SDF4: variants seen among roughly 807,000 people sequenced by gnomAD.
The protein encoded by SDF4 is 45 kDa calcium-binding protein.
Under a neutral mutation model 34.2 loss-of-function variants are expected in SDF4, and 22 were observed. The ratio of observed to expected loss-of-function variants is 0.64; its 90% CI spans 0.46 to 0.92. SDF4 has a LOEUF of 0.92. SDF4 is among the 40% of genes least tolerant of loss of function. SDF4 has a pLI of 0.00. For missense variants in SDF4, 447 were observed against 499.9 expected (o/e 0.89, Z 1.01); for synonymous variants, 236 against 203.1 (o/e 1.16, Z -1.38).
At chr1:1,221,078 G>T in intron 4 of SDF4, 1 of 291,066 alleles carries the variant, frequency 3.4e-6, no homozygotes, top group Non-Finnish European at 6.8e-6. Flanking sequence ...AACACAGGGA[G>T]ATCCTCTTAC....
At chr1:1,220,393 C>T (rs565145220) in intron 4 of SDF4, 71 of 1,157,808 alleles carry the variant, frequency 6.1e-5, no homozygotes, top group East Asian at 3.1e-4. Context: ...CAGCAGCCCC[C>T]GGACTCACGC....
At chr1:1,224,140 C>T (rs546354977) in intron 2 of SDF4, among the ~76,000 whole-genome samples, 172 bp from the exon 3 acceptor site, 261 of 152,206 alleles carry the variant, frequency 1.7e-3, no homozygotes, top group African/African-American at 5.9e-3. Context: ...TGTGGGGTGC[C>T]GGGCCACGCC....
At chr1:1,225,162 C>A (rs1378740947) in intron 2 of SDF4, among the ~76,000 whole-genome samples, 1 of 152,198 alleles carries the variant, frequency 6.6e-6, no homozygotes, top group Non-Finnish European at 1.5e-5. Context: ...CAGGCTCCTA[C>A]CCCTGCTGCA....
intron 1 of SDF4, among the ~76,000 whole-genome samples, chr1:1,230,406 G>A (rs542355844): frequency 1.1e-4 from 17 of 152,250 alleles, no homozygotes; most frequent in Non-Finnish European, 1.5e-4. Context: ...AACCAAGAGG[G>A]GTACAAGCCT....
chr1:1,228,758 C>T lies in SDF4; in HGVS notation c.15G>A (p.Trp5Ter). 6.2e-7 allele frequency: 1 copy of T among 1,610,150 alleles called. No individual in the cohort carries two copies. Among genetic ancestry groups the T allele is most frequent in the Admixed American group, 1.7e-5 (1 of 59,808 alleles). The change falls in exon 2 of 7, where the codon TGG (tryptophan) becomes TGA (stop). Residue 5 changes from tryptophan to a stop codon, truncating the protein, a stop_gained. Coordinates refer to ENST00000360001, the MANE Select transcript of SDF4 (RefSeq NM_016176.6). LOFTEE classifies it high-confidence loss of function. The part of the protein sequence containing the change: MASR[W>*]GPLIGLAPCC... Reference sequence around the variant, plus strand: ...ACGGAGCCAGGCCAATGAGGGGACCCCACCTGGACGCCATCGCCACCCAGG... The same window carrying T: ...ACGGAGCCAGGCCAATGAGGGGACCTCACCTGGACGCCATCGCCACCCAGG...
rs1638395298 is a variant in SDF4 at position 1,228,738 on chromosome 1, G to A, written c.35C>T (p.Ala12Val). 6.2e-7 allele frequency: 1 copy of A among 1,612,258 alleles called. No homozygotes were observed. The highest frequency in any genetic ancestry group is 1.3e-5 in the African/African-American group (1 of 74,934). ...CCCCAGGAGCCAGAGGCAGCACGGA[G>A]CCAGGCCAATGAGGGGACCCCACCT... The part of the protein sequence containing the change: ...ASRWGPLIGL[A>V]PCCLWLLGAV... Residue 12 changes from alanine to valine, a missense_variant, in exon 2 of 7, where the codon GCT (alanine) becomes GTT (valine). Physicochemically the swap from Ala to Val is moderately conservative, Grantham distance 64. Transcript: ENST00000360001.
Position 1,220,802 on chromosome 1 carries a change from G to A in SDF4, c.557-1875C>T, listed in dbSNP as rs545973917. On this transcript the variant is annotated intron_variant, in intron 4 of 6. Transcript: ENST00000360001. ...ACAATCAGAGTTGGGGGGCGGGCAC[G>A]GGCAAGGCCTCCTGCCCCAAGCACA... 5.3e-4 allele frequency: 670 copies of A among 1,255,378 alleles called. 5 individuals are homozygous for A. The highest frequency in any genetic ancestry group is 5.1e-3 in the South Asian group (411 of 80,188). The allele number at this position is 1,255,378 out of a possible 1,614,324, so 77.8% of individuals were successfully genotyped here.
Position 1,223,134 on chromosome 1 carries a change from C to T in SDF4, c.556+110G>A, listed in dbSNP as rs773581741. ...ACGCACACACGTACTCACGAGCACACGCACGGCACACTCATACACGACACA... is the reference window on the plus strand; with the variant it reads ...ACGCACACACGTACTCACGAGCACATGCACGGCACACTCATACACGACACA... On this transcript the variant is annotated intron_variant, in intron 4 of 6. Transcript: ENST00000360001. 2.6e-4 allele frequency: 202 copies of T among 783,718 alleles called. 1 individual carries two copies. Among genetic ancestry groups the T allele is most frequent in the African/African-American group, 1.3e-3 (76 of 58,954 alleles). The allele number at this position is 783,718 out of a possible 1,614,324, so 48.5% of individuals were successfully genotyped here. A position where few individuals can be genotyped will look rare whatever the true frequency, so the allele number is the denominator to read the frequency against.
intron 2 of SDF4, among the ~76,000 whole-genome samples, chr1:1,227,617 G>A (rs1392325403): frequency 2.6e-5 from 4 of 152,202 alleles, no homozygotes; most frequent in Admixed American, 1.3e-4. Flanking sequence ...TCACGGGCAC[G>A]CCCTGACCCT....
chr1:1,224,548 AG>A (rs1171315396), intron 2 of SDF4, among the ~76,000 whole-genome samples: 3 of 152,180 alleles, frequency 2.0e-5, no homozygotes, highest in Admixed American at 1.3e-4. Flanking sequence ...CCAACGTGCT[AG>A]GATTACAGGT....
intron 4 of SDF4, chr1:1,221,105 G>A (rs1649926199): frequency 7.1e-6 from 2 of 280,970 alleles, no homozygotes; most frequent in Middle Eastern, 1.3e-3. Flanking sequence ...TTTTTTTAAT[G>A]TCCAATTTGC....
intron 4 of SDF4, chr1:1,220,091 C>T: frequency 1.0e-6 from 1 of 986,304 alleles, no homozygotes; most frequent in Non-Finnish European, 1.2e-6. Flanking sequence ...GACAGGCCGG[C>T]CGAGAGACGC....
intron 2 of SDF4, 31 bp downstream of exon 2, chr1:1,228,437 C>A (rs753857566): frequency 2.6e-6 from 4 of 1,542,522 alleles, no homozygotes; most frequent in East Asian, 4.9e-5. Flanking sequence ...ACGCGGACAG[C>A]CCCCCAGTCT....
intron 1 of SDF4, among the ~76,000 whole-genome samples, chr1:1,229,519 T>C (rs1055727766): frequency 2.6e-5 from 4 of 152,210 alleles, no homozygotes; most frequent in Admixed American, 2.6e-4. Context: ...GTCTTTTTTT[T>C]ACAGACACTG....
rs900362949 is a variant in SDF4 at position 1,217,482 on chromosome 1, T to TG, written c.*29dup. ...CCCGCGAGGCCGCCCCGGTGGTGCG[T>TG]GGGGGGCGGCGCGGGGCGCGGCCGG... On this transcript the variant is annotated 3_prime_UTR_variant, in exon 7 of 7. Coordinates refer to ENST00000360001, the MANE Select transcript of SDF4 (RefSeq NM_016176.6). This position sits in a 1 kb window ranked among gnomAD's most constrained non-coding sequence, Gnocchi z 8.5. The TG allele has an allele frequency of 1.4e-6, 2 of 1,471,418 alleles. No individual in the cohort carries two copies. Among genetic ancestry groups the TG allele is most frequent in the Non-Finnish European group, 1.8e-6 (2 of 1,108,508 alleles). 91.1% of individuals were successfully genotyped at this position (1,471,418 alleles called of 1,614,324 possible). A position where few individuals can be genotyped will look rare whatever the true frequency, so the allele number is the denominator to read the frequency against.
At chr1:1,220,426 C>T in intron 4 of SDF4, 3 of 1,181,054 alleles carry the variant, frequency 2.5e-6, no homozygotes, top group Non-Finnish European at 3.2e-6. Flanking sequence ...AGGAGCCATG[C>T]AGGGAGGGGT....
rs530058317 is a variant in SDF4 at position 1,229,801 on chromosome 1, C to T, written c.-174-855G>A. On this transcript the variant is annotated intron_variant, in intron 1 of 6. Transcript: ENST00000360001. ...AGAAACAGGAGGCTCCCCCTCTCCCCCCGACTGACCAGGCTTTGCGAAGAC... is the reference window on the plus strand; with the variant it reads ...AGAAACAGGAGGCTCCCCCTCTCCCTCCGACTGACCAGGCTTTGCGAAGAC... Among the ~76,000 whole-genome samples the T allele has an allele frequency of 9.8e-5, 15 of 152,344 alleles. No individual in the cohort carries two copies. The South Asian group carries it at 2.9e-3, about 29-fold the overall frequency.
Position 1,218,148 on chromosome 1 carries a change from T to C in SDF4, c.891+310A>G, listed in dbSNP as rs905276771. Among the ~76,000 whole-genome samples the C allele has an allele frequency of 1.3e-5, 2 of 152,176 alleles. No homozygotes were observed. Among genetic ancestry groups the C allele is most frequent in the African/African-American group, 4.8e-5 (2 of 41,446 alleles). On this transcript the variant is annotated intron_variant, in intron 6 of 6. Transcript: ENST00000360001. The surrounding 1 kb of genome is among the most constrained non-coding windows in gnomAD (Gnocchi z 7.9). Reference sequence around the variant, plus strand: ...CTGCTGGGCCTTGGACCTGCCTCCATGCTGGGCCCAGCATGAGCTTCCCCT... The same window carrying C: ...CTGCTGGGCCTTGGACCTGCCTCCACGCTGGGCCCAGCATGAGCTTCCCCT...
At position 1,228,569 on chromosome 1, in the gene SDF4, G is replaced by A. The variant is rs115897146; in HGVS notation, c.204C>T (p.Arg68=). The change falls in exon 2 of 7, where the codon CGC becomes CGT. Residue 68 remains arginine, a synonymous_variant. Coordinates refer to ENST00000360001, the MANE Select transcript of SDF4 (RefSeq NM_016176.6). ...CTAGGAAGACCTCCTGGTGGAAGCC[G>A]CGATTGAGGTGCCCGTCCATCTCCA... ...VKLEMDGHLN[R]GFHQEVFLGK... 95 of 1,613,046 alleles carry A rather than the reference G, an allele frequency of 5.9e-5. 1 individual carries two copies. The highest frequency in any genetic ancestry group is 3.3e-4 in the African/African-American group (25 of 74,948).
Sources: allele counts gnomAD v4.1 joint callset (sites outside exome capture counted in the v4.1 genomes callset), GRCh38; gene constraint gnomAD v4.1.1; non-coding constraint Gnocchi (gnomAD v3.1); transcripts MANE v1.5; gene names NCBI Gene and HGNC (gene_info 2026-07-23, HGNC 2026-07-21).